Variants in RANBP2 observed in about 807,000 individuals in gnomAD.
RANBP2 encodes the protein RAN binding protein 2, also known as E3 SUMO-protein ligase RanBP2.
In RANBP2, 57 loss-of-function variants were observed where a neutral mutation model predicts 303.6. The ratio of observed to expected loss-of-function variants is 0.19; its 90% CI spans 0.15 to 0.23. The LOEUF is 0.23. Ranked by LOEUF, RANBP2 falls within the 10% of genes least tolerant of loss-of-function variation. The probability of loss-of-function intolerance (pLI) is 1.00; values close to 1 mark genes in which losing one functional copy is unlikely to be tolerated. For synonymous variants in RANBP2, 1,167 were observed against 1,301.5 expected (o/e 0.90, Z 2.23); for missense variants, 3,138 against 3,780.8 (o/e 0.83, Z 4.46).
the RANBP2 span, among the ~76,000 whole-genome samples, chr2:109,060,124 T>A: frequency 1.3e-5 from 2 of 152,040 alleles, no homozygotes; most frequent in African/African-American, 4.8e-5. Flanking sequence ...TACAGCTGAT[T>A]GAAAATGGAG....
At chr2:109,492,597 A>G in the RANBP2 span, among the ~76,000 whole-genome samples, 2 of 151,622 alleles carry the variant, frequency 1.3e-5, no homozygotes, top group African/African-American at 2.4e-5. Flanking sequence ...CTTCCCACGA[A>G]CCCTATGAAA....
chr2:109,544,034 T>C, the RANBP2 span: 1 of 922,074 alleles, frequency 1.1e-6, no homozygotes, highest in Non-Finnish European at 1.6e-6. Context: ...ATTTTCCACT[T>C]GTGGGGTCAA....
chr2:109,335,079 G>A, the RANBP2 span, among the ~76,000 whole-genome samples: 1 of 152,228 alleles, frequency 6.6e-6, no homozygotes, highest in Non-Finnish European at 1.5e-5. Context: ...TGGGATCATG[G>A]TGGTCATACC....
the RANBP2 span, among the ~76,000 whole-genome samples, chr2:108,904,366 T>C: frequency 6.6e-6 from 1 of 152,226 alleles, no homozygotes; most frequent in Non-Finnish European, 1.5e-5. Flanking sequence ...CTAGTAGGAA[T>C]GTAAAATGGT....
At chr2:109,646,755 G>A in the RANBP2 span, among the ~76,000 whole-genome samples, 1 of 148,614 alleles carries the variant, frequency 6.7e-6, no homozygotes, top group Admixed American at 6.9e-5. Flanking sequence ...ATCCACCCAC[G>A]TAGGCCTCCC....
At chr2:109,594,221 T>C in the RANBP2 span, among the ~76,000 whole-genome samples, 1 of 152,232 alleles carries the variant, frequency 6.6e-6, no homozygotes, top group East Asian at 1.9e-4. Flanking sequence ...CAGCACAAGA[T>C]AATGAGGAAA....
At chr2:108,821,258 C>A in the RANBP2 span, among the ~76,000 whole-genome samples, 1 of 151,774 alleles carries the variant, frequency 6.6e-6, no homozygotes. Context: ...CTTTTGAGGC[C>A]GAGGCAGGAG....
At chr2:108,998,011 T>A in the RANBP2 span, among the ~76,000 whole-genome samples, 1 of 152,148 alleles carries the variant, frequency 6.6e-6, no homozygotes, top group African/African-American at 2.4e-5. Context: ...ATGATGGTGA[T>A]TGTCTTTTAT....
the RANBP2 span, among the ~76,000 whole-genome samples, chr2:109,101,041 T>G: frequency 6.6e-6 from 1 of 152,116 alleles, no homozygotes; most frequent in Non-Finnish European, 1.5e-5. Flanking sequence ...ACCCTTGTTA[T>G]AATTTCAGGT....
chr2:109,437,135 C>A, the RANBP2 span: 2 of 1,610,536 alleles, frequency 1.2e-6, no homozygotes, highest in Non-Finnish European at 1.7e-6. Flanking sequence ...GCCCGGAGCA[C>A]CATTTCAACA....
chr2:109,236,802 C>T, the RANBP2 span, among the ~76,000 whole-genome samples: 1 of 152,144 alleles, frequency 6.6e-6, no homozygotes, highest in African/African-American at 2.4e-5. Context: ...AGGAAACAGC[C>T]TATACATTTA....
the RANBP2 span, among the ~76,000 whole-genome samples, chr2:109,727,599 C>T: frequency 4.6e-5 from 7 of 152,256 alleles, no homozygotes; most frequent in East Asian, 1.9e-4. Flanking sequence ...CCAACACAAC[C>T]GGAGGCTCAG....
chr2:109,156,375 T>G, the RANBP2 span, among the ~76,000 whole-genome samples: 323 of 152,310 alleles, frequency 2.1e-3, no homozygotes, highest in Non-Finnish European at 3.3e-3. Flanking sequence ...GAGAAGGAAG[T>G]ATCCACTCGG....
the RANBP2 span, chr2:109,127,768 G>A: frequency 3.9e-5 from 6 of 152,326 alleles, no homozygotes; most frequent in African/African-American, 1.4e-4. Context: ...AGGATGGCTT[G>A]AGCCCAAGAG....
At chr2:109,031,823 C>CT in the RANBP2 span, among the ~76,000 whole-genome samples, 1 of 152,144 alleles carries the variant, frequency 6.6e-6, no homozygotes, top group South Asian at 2.1e-4. Context: ...CCTCCTTCCT[C>CT]TAAGTATTTT....
the RANBP2 span, among the ~76,000 whole-genome samples, chr2:109,075,265 C>T: frequency 2.7e-5 from 4 of 150,198 alleles, no homozygotes; most frequent in African/African-American, 9.7e-5. Flanking sequence ...ATTCTTGTCC[C>T]ACAGGCTGGA....
At chr2:108,856,163 T>TG in the RANBP2 span, among the ~76,000 whole-genome samples, 2,662 of 152,266 alleles carry the variant, frequency 0.017, 65 homozygotes, top group African/African-American at 0.061. Flanking sequence ...CAGTCATCTG[T>TG]GGGACTTCTT....
chr2:109,571,423 T>C, the RANBP2 span, among the ~76,000 whole-genome samples: 1 of 152,222 alleles, frequency 6.6e-6, no homozygotes, highest in Non-Finnish European at 1.5e-5. Context: ...GTATGGCTCA[T>C]TGTTTCTAGA....
At chr2:108,738,213 C>A (rs1160000052) in intron 6 of RANBP2, among the ~76,000 whole-genome samples, 3 of 150,958 alleles carry the variant, frequency 2.0e-5, no homozygotes, top group Non-Finnish European at 4.4e-5. Context: ...GTAGCTGGGC[C>A]TACAGGTGCC....
Sources: gnomAD v4.1 joint callset for allele counts (sites outside exome capture counted in the v4.1 genomes callset) on GRCh38, gnomAD v4.1.1 for gene constraint, MANE v1.5 for transcripts, NCBI Gene and HGNC (gene_info 2026-07-23, HGNC 2026-07-21) for gene names.